SLC44A5: variants seen among roughly 807,000 people sequenced by gnomAD.
SLC44A5 encodes the protein choline transporter-like protein 5.
SLC44A5 carries 57 observed loss-of-function variants against 101.8 expected under a neutral mutation model. That is an observed-to-expected ratio of 0.56 (90% CI 0.45 to 0.70). The LOEUF (loss-of-function observed/expected upper bound fraction) is 0.70, where lower values mean the gene tolerates loss of function less well. Among genes scored for constraint, SLC44A5 ranks in the 30% least tolerant of loss-of-function variants. The pLI, the probability that SLC44A5 is intolerant of heterozygous loss-of-function variation, is 0.00. For missense variants in SLC44A5, 737 were observed against 853.1 expected (o/e 0.86, Z 1.70); for synonymous variants, 281 against 290.9 (o/e 0.97, Z 0.35).
intron 12 of SLC44A5, among the ~76,000 whole-genome samples, chr1:75,229,633 T>C (rs12095168): frequency 0.28 from 43,082 of 152,088 alleles, 6,429 homozygotes; most frequent in Middle Eastern, 0.36. Context: ...TACCATGGCA[T>C]TCTCAATCTC....
In SLC44A5 at chr1:75,219,325, C is replaced by T. The variant is rs770654332; in HGVS notation, c.1198G>A (p.Val400Ile). The T allele has an allele frequency of 3.1e-6, 5 of 1,612,014 alleles. No homozygotes were observed. The highest frequency in any genetic ancestry group is 1.7e-4 in the Middle Eastern group (1 of 6,060). Reference sequence around the variant, plus strand: ...GGAGCTATGACTTTGTATACAGGTACCCCCGATGTCGCCAAGAAACTGAAT... The same window carrying T: ...GGAGCTATGACTTTGTATACAGGTATCCCCGATGTCGCCAAGAAACTGAAT... ...VTAVFLATSGVPVYKVIAPGG... is the reference protein window; with the variant it reads ...VTAVFLATSGIPVYKVIAPGG... Residue 400 changes from valine (V) to isoleucine (I), a missense_variant, in exon 16 of 24, where the codon GTA (valine) becomes ATA (isoleucine). This residue lies in a region of SLC44A5 where 665 missense variants were observed against 764.4 expected (regional missense o/e 0.87). Coordinates refer to ENST00000370859, the MANE Select transcript of SLC44A5 (RefSeq NM_001130058.2).
At chr1:75,325,593 CT>C (rs1191136220) in intron 4 of SLC44A5, among the ~76,000 whole-genome samples, 1 of 152,096 alleles carries the variant, frequency 6.6e-6, no homozygotes, top group African/African-American at 2.4e-5. Flanking sequence ...ATTCCAGTAA[CT>C]TTTTTTACAG....
intron 2 of SLC44A5, among the ~76,000 whole-genome samples, chr1:75,478,401 A>G (rs534739595): frequency 4.0e-4 from 61 of 152,314 alleles, no homozygotes; most frequent in African/African-American, 1.4e-3. Flanking sequence ...CACAATAACA[A>G]TATTAACTTT....
intron 2 of SLC44A5, among the ~76,000 whole-genome samples, chr1:75,494,445 G>A (rs1008323453): frequency 6.6e-6 from 1 of 152,102 alleles, no homozygotes; most frequent in Non-Finnish European, 1.5e-5. Context: ...GCATATCTCT[G>A]GAAGTTGAGA....
At chr1:75,324,942 T>C (rs1381459965) in intron 4 of SLC44A5, among the ~76,000 whole-genome samples, 1 of 152,216 alleles carries the variant, frequency 6.6e-6, no homozygotes, top group Non-Finnish European at 1.5e-5. Flanking sequence ...CTCACTATTT[T>C]TTAATCAAGC....
chr1:75,448,490 T>C (rs1384658041), intron 2 of SLC44A5, among the ~76,000 whole-genome samples: 3 of 152,220 alleles, frequency 2.0e-5, no homozygotes, highest in Admixed American at 2.0e-4. Context: ...CAGAGTGACG[T>C]AGGTGGCACT....
At chr1:75,356,204 T>G (rs1317351481) in intron 3 of SLC44A5, among the ~76,000 whole-genome samples, 3 of 98,424 alleles carry the variant, frequency 3.0e-5, no homozygotes, top group Non-Finnish European at 5.8e-5. Context: ...AAAGCAAGAC[T>G]GCCTCAAAAA....
chr1:75,539,243 C>A (rs1462751909), intron 2 of SLC44A5, among the ~76,000 whole-genome samples: 3 of 152,262 alleles, frequency 2.0e-5, no homozygotes, highest in Non-Finnish European at 2.9e-5. Flanking sequence ...TTCATTTGTA[C>A]CTTACCTACA....
the SLC44A5 span, among the ~76,000 whole-genome samples, chr1:75,649,816 G>A: frequency 6.6e-6 from 1 of 152,076 alleles, no homozygotes; most frequent in East Asian, 1.9e-4. Context: ...ACCTATTCTG[G>A]AGCAGAGGTG....
chr1:75,481,543 C>A (rs191828853), intron 2 of SLC44A5, among the ~76,000 whole-genome samples: 11 of 145,526 alleles, frequency 7.6e-5, no homozygotes, highest in Non-Finnish European at 9.1e-5. Context: ...ACAATGAGCT[C>A]AAACAAATTT....
At chr1:75,439,300 C>A (rs1275236377) in intron 2 of SLC44A5, among the ~76,000 whole-genome samples, 2 of 151,928 alleles carry the variant, frequency 1.3e-5, no homozygotes, top group Non-Finnish European at 2.9e-5. Flanking sequence ...AGCCATGAGC[C>A]AATAAATTTC....
chr1:75,364,531 C>T (rs1259199422), intron 3 of SLC44A5, among the ~76,000 whole-genome samples: 2 of 152,142 alleles, frequency 1.3e-5, no homozygotes, highest in Non-Finnish European at 2.9e-5. Context: ...CCAGGCCCCA[C>T]CTCCAACATT....
chr1:75,540,061 A>C (rs1570567273), intron 2 of SLC44A5, among the ~76,000 whole-genome samples: 2 of 151,872 alleles, frequency 1.3e-5, no homozygotes, highest in South Asian at 4.1e-4. Context: ...GCCAATCTAA[A>C]TATAATGTAG....
chr1:75,508,987 G>T (rs952808425), intron 2 of SLC44A5, among the ~76,000 whole-genome samples: 2 of 152,160 alleles, frequency 1.3e-5, no homozygotes, highest in African/African-American at 4.8e-5. Context: ...GGAAATACAC[G>T]TCATGATGAC....
chr1:75,447,479 TC>T (rs1342085922), intron 2 of SLC44A5, among the ~76,000 whole-genome samples: 2 of 152,120 alleles, frequency 1.3e-5, no homozygotes, highest in Non-Finnish European at 2.9e-5. Flanking sequence ...TTTAAAATAA[TC>T]TTTGAGATAT....
chr1:75,386,729 CA>C (rs1557729771), intron 3 of SLC44A5, among the ~76,000 whole-genome samples: 1 of 150,922 alleles, frequency 6.6e-6, no homozygotes, highest in African/African-American at 2.4e-5. Context: ...CATATGGAAC[CA>C]AAAAAGAGCC....
chr1:75,393,046 G>A (rs1661896770), intron 3 of SLC44A5, among the ~76,000 whole-genome samples: 3 of 152,052 alleles, frequency 2.0e-5, no homozygotes, highest in Non-Finnish European at 4.4e-5. Context: ...AACCTATTGG[G>A]TACTCTGCTC....
intron 5 of SLC44A5, among the ~76,000 whole-genome samples, chr1:75,279,761 T>C (rs750857505): frequency 1.2e-5 from 1 of 82,224 alleles, no homozygotes; most frequent in Non-Finnish European, 2.2e-5. Flanking sequence ...TACATGTATG[T>C]ATGTATTTTT....
chr1:75,628,737 C>T, the SLC44A5 span, among the ~76,000 whole-genome samples: 1 of 152,212 alleles, frequency 6.6e-6, no homozygotes, highest in African/African-American at 2.4e-5. Flanking sequence ...CAAGAATTTA[C>T]AGAATAAAGC....
Sources: gnomAD v4.1 joint callset for allele counts (sites outside exome capture counted in the v4.1 genomes callset) on GRCh38, gnomAD v4.1.1 for gene constraint, gnomAD v4.1.1 regional missense constraint, MANE v1.5 for transcripts, NCBI Gene and HGNC (gene_info 2026-07-23, HGNC 2026-07-21) for gene names.